Variants in RARG observed in about 807,000 individuals in gnomAD.
RARG encodes the protein RAR-gamma.
Under a neutral mutation model 43.7 loss-of-function variants are expected in RARG, and 17 were observed. The ratio of observed to expected loss-of-function variants is 0.39; its 90% CI spans 0.27 to 0.58. RARG has a LOEUF of 0.58. Among genes scored for constraint, RARG ranks in the 20% least tolerant of loss-of-function variants. RARG has a pLI of 0.57. For missense variants in RARG, 346 were observed against 598.7 expected (o/e 0.58, Z 4.40); for synonymous variants, 238 against 236.4 (o/e 1.01, Z -0.06).
At chr12:53,222,448 C>G (rs935851498) in intron 3 of RARG, among the ~76,000 whole-genome samples, 2 of 152,054 alleles carry the variant, frequency 1.3e-5, no homozygotes, top group Non-Finnish European at 2.9e-5. Flanking sequence ...TGTCAGTACC[C>G]CCCTTCCCCC....
At chr12:53,223,523 GC>G (rs139275762) in intron 3 of RARG, among the ~76,000 whole-genome samples, 13,967 of 103,568 alleles carry the variant, frequency 0.13, 1,271 homozygotes, top group African/African-American at 0.32. Flanking sequence ...GGCTCCCCCC[GC>G]CCCCCCCCCG....
At position 53,231,540 on chromosome 12, in the gene RARG, G is replaced by C. The variant is rs1943236605; in HGVS notation, c.-209-305C>G. ...TTCCTTGCCTTCTGATGTCCAAGCT[G>C]TCCCATTCCACTGGGGAGGGAGGAA... On this transcript the variant is annotated intron_variant, in intron 1 of 9. Coordinates refer to ENST00000425354, the MANE Select transcript of RARG (RefSeq NM_000966.6). 2 of 152,322 alleles carry C rather than the reference G, an allele frequency of 1.3e-5. 1 individual carries two copies. The highest frequency in any genetic ancestry group is 4.1e-4 in the South Asian group (2 of 4,832). The allele number at this position is 152,322 out of a possible 1,614,324, so 9.4% of individuals were successfully genotyped here.
rs761126182 is a variant in RARG, at chr12:53,214,605, A to C, written c.477T>G (p.Ala159=). The C allele has an allele frequency of 1.3e-6, 2 of 1,599,050 alleles. No individual in the cohort carries two copies. The highest frequency in any genetic ancestry group is 3.3e-4 in the Middle Eastern group (2 of 6,016). ...TCTTCTTGTTCCGGTCATTTCGCAC[A>C]GCTTGTGGGTGGAGGCGCAAGGAGA... is the stretch of plus-strand genomic sequence containing the variant. ...KCFEVGMSKE[A]VRNDRNKKKK... The change falls in exon 6 of 10, where the codon GCT becomes GCG. Residue 159 remains alanine, a splice_region_variant and synonymous_variant. Transcript: ENST00000425354.
In RARG at chr12:53,215,907, C is replaced by T. The variant is rs1942747780; in HGVS notation, c.185-113G>A. On this transcript the variant is annotated intron_variant, in intron 3 of 9. Transcript: ENST00000425354. The surrounding 1 kb of genome is among the most constrained non-coding windows in gnomAD (Gnocchi z 6.4). ...TGTTCCTTGGCCCACTGGTGACAGC[C>T]ATCACTACCACAGTGCACTAGTTCC... 8.6e-7 allele frequency: 1 copy of T among 1,165,876 alleles called. No individual in the cohort carries two copies. The highest frequency in any genetic ancestry group is 1.2e-6 in the Non-Finnish European group (1 of 850,152). The allele number at this position is 1,165,876 out of a possible 1,614,324, so 72.2% of individuals were successfully genotyped here. A position where few individuals can be genotyped will look rare whatever the true frequency, so the allele number is the denominator to read the frequency against.
chr12:53,222,746 G>T (rs1051014821), intron 3 of RARG, among the ~76,000 whole-genome samples: 2 of 151,374 alleles, frequency 1.3e-5, no homozygotes, highest in Non-Finnish European at 2.9e-5. Flanking sequence ...CCCCATTCTA[G>T]ACAGACTTAG....
chr12:53,227,308 C>T lies in RARG; in HGVS notation c.184+54G>A, dbSNP rs1943131864. ...GCCAACTCTTTTACCATCCACCCTC[C>T]TGATGCCTTCTTGTTAACATTTGCC... On this transcript the variant is annotated intron_variant, in intron 3 of 9. Coordinates refer to ENST00000425354, the MANE Select transcript of RARG (RefSeq NM_000966.6). This position sits in a 1 kb window ranked among gnomAD's most constrained non-coding sequence, Gnocchi z 4.3. 5.4e-6 allele frequency: 8 copies of T among 1,475,208 alleles called. No homozygotes were observed. Among genetic ancestry groups the T allele is most frequent in the Non-Finnish European group, 7.2e-6 (8 of 1,105,344 alleles). The allele number at this position is 1,475,208 out of a possible 1,614,324, so 91.4% of individuals were successfully genotyped here. A position where few individuals can be genotyped will look rare whatever the true frequency, so the allele number is the denominator to read the frequency against.
intron 3 of RARG, among the ~76,000 whole-genome samples, chr12:53,218,034 A>G (rs866956748): frequency 4.3e-4 from 65 of 152,160 alleles, no homozygotes; most frequent in African/African-American, 1.5e-3. Context: ...CACAGCCAGA[A>G]TAGAGACACA....
chr12:53,220,190 G>A (rs1278409790), intron 3 of RARG: 7 of 1,546,502 alleles, frequency 4.5e-6, no homozygotes, highest in Non-Finnish European at 6.1e-6. Context: ...CCCCGCTCCA[G>A]CAGGGGGGGA....
chr12:53,217,170 A>G (rs1377104514), intron 3 of RARG, among the ~76,000 whole-genome samples: 1 of 152,070 alleles, frequency 6.6e-6, no homozygotes, highest in Non-Finnish European at 1.5e-5. Context: ...ATCAATTAGC[A>G]TAAGAATCCT....
chr12:53,214,755 T>G, intron 5 of RARG, 149 bp from the exon 6 acceptor site: 1 of 873,406 alleles, frequency 1.1e-6, no homozygotes. Flanking sequence ...CTATCACCTA[T>G]AATAGCTCCT....
At chr12:53,217,843 CT>C (rs1448536900) in intron 3 of RARG, among the ~76,000 whole-genome samples, 7 of 152,308 alleles carry the variant, frequency 4.6e-5, no homozygotes, top group Admixed American at 2.0e-4. Context: ...TTCAAACAAA[CT>C]CTTTATAACC....
At position 53,220,949 on chromosome 12, in the gene RARG, C is replaced by T. The variant is rs913994209; in HGVS notation, c.185-5155G>A. On this transcript the variant is annotated intron_variant, in intron 3 of 9. Coordinates refer to ENST00000425354, the MANE Select transcript of RARG (RefSeq NM_000966.6). Reference sequence around the variant, plus strand: ...TCCGCCCTCGCCCTCCGCGCGCCCGCTTCAGGGCCGAAAAGTGCATTCCTG... The same window carrying T: ...TCCGCCCTCGCCCTCCGCGCGCCCGTTTCAGGGCCGAAAAGTGCATTCCTG... 2.0e-5 allele frequency among the ~76,000 whole-genome samples: 3 copies of T among 152,082 alleles called. No homozygotes were observed. In the East Asian group the frequency reaches 5.8e-4, roughly 29 times the overall value.
rs1234266804 is a variant in RARG, at chr12:53,215,495, A to G, written c.334-61T>C. ...ACAATGCTGGGAGTACCAGCCTCTC[A>G]CTGGCCTTGCAGGTTGCCCCAAGCC... On this transcript the variant is annotated intron_variant, in intron 4 of 9. Coordinates refer to ENST00000425354, the MANE Select transcript of RARG (RefSeq NM_000966.6). This position sits in a 1 kb window ranked among gnomAD's most constrained non-coding sequence, Gnocchi z 6.4. 5.0e-6 allele frequency: 8 copies of G among 1,607,128 alleles called. No individual in the cohort carries two copies. In the East Asian group the frequency reaches 1.8e-4, roughly 36 times the overall value.
Position 53,232,208 on chromosome 12 carries a change from C to G in RARG, c.-444G>C. On this transcript the variant is annotated 5_prime_UTR_variant, in exon 1 of 10. Transcript: ENST00000425354. ...CACACTGACTCTGCAGGCGGGGACA[C>G]GGAAAATATTTTCTTTCTTTTTCTC... 2.5e-6 allele frequency: 1 copy of G among 398,078 alleles called. No homozygotes were observed. Among genetic ancestry groups the G allele is most frequent in the Non-Finnish European group, 4.4e-6 (1 of 225,816 alleles). 24.7% of individuals were successfully genotyped at this position (398,078 alleles called of 1,614,324 possible).
At chr12:53,224,267 G>A (rs1007877093) in intron 3 of RARG, among the ~76,000 whole-genome samples, 1 of 151,790 alleles carries the variant, frequency 6.6e-6, no homozygotes, top group Non-Finnish European at 1.5e-5. Flanking sequence ...ACAGCCCCAG[G>A]AAGTAGAGCA....
intron 3 of RARG, among the ~76,000 whole-genome samples, chr12:53,216,014 C>T (rs1592431538): frequency 6.6e-6 from 1 of 152,206 alleles, no homozygotes; most frequent in Non-Finnish European, 1.5e-5. Flanking sequence ...CTACCCTCCA[C>T]AGTCTAACCA....
In RARG at chr12:53,215,479, G is replaced by C; in HGVS notation, c.334-45C>G. The C allele has an allele frequency of 6.2e-7, 1 of 1,611,758 alleles. No individual in the cohort carries two copies. The highest frequency in any genetic ancestry group is 8.5e-7 in the Non-Finnish European group (1 of 1,178,358). On this transcript the variant is annotated intron_variant, in intron 4 of 9. Coordinates refer to ENST00000425354, the MANE Select transcript of RARG (RefSeq NM_000966.6). The surrounding 1 kb of genome is among the most constrained non-coding windows in gnomAD (Gnocchi z 6.4). Reference sequence around the variant, plus strand: ...AGAGGGCCTCTGAAGCACAATGCTGGGAGTACCAGCCTCTCACTGGCCTTG... The same window carrying C: ...AGAGGGCCTCTGAAGCACAATGCTGCGAGTACCAGCCTCTCACTGGCCTTG...
In RARG at chr12:53,211,518, C is replaced by G; in HGVS notation, c.*158G>C. 1 of 654,398 alleles carries G rather than the reference C, an allele frequency of 1.5e-6. No individual in the cohort carries two copies. The highest frequency in any genetic ancestry group is 3.4e-5 in the East Asian group (1 of 29,476). 40.5% of individuals were successfully genotyped at this position (654,398 alleles called of 1,614,324 possible). A position where few individuals can be genotyped will look rare whatever the true frequency, so the allele number is the denominator to read the frequency against. On this transcript the variant is annotated 3_prime_UTR_variant, in exon 10 of 10. Coordinates refer to ENST00000425354, the MANE Select transcript of RARG (RefSeq NM_000966.6). This position sits in a 1 kb window ranked among gnomAD's most constrained non-coding sequence, Gnocchi z 4.6. ...GGTTAGATCAGGAAGGGGATGAACA[C>G]AGAGGCACCCCTAGAAACTTTGGCA...
rs73309181 is a variant in RARG, at chr12:53,222,233, G to A, written c.184+5129C>T. 1.1e-4 allele frequency among the ~76,000 whole-genome samples: 16 copies of A among 149,800 alleles called. No homozygotes were observed. In the East Asian group the frequency reaches 2.2e-3, roughly 20 times the overall value. On this transcript the variant is annotated intron_variant, in intron 3 of 9. Transcript: ENST00000425354. ...CCCACAAAAAAAAGAAAGAAAGAGA[G>A]AGAAAGAAAAGAAAGAGAAAGAAAG...
Sources: gnomAD v4.1 joint callset for allele counts (sites outside exome capture counted in the v4.1 genomes callset) on GRCh38, gnomAD v4.1.1 for gene constraint, Gnocchi (gnomAD v3.1) non-coding constraint, MANE v1.5 for transcripts, NCBI Gene and HGNC (gene_info 2026-07-23, HGNC 2026-07-21) for gene names.